The following CDKAL1 variants were observed in gnomAD, a reference collection of about 807,000 sequenced individuals.
CDKAL1 encodes the protein CDKAL1 threonylcarbamoyladenosine tRNA methylthiotransferase.
Under a neutral mutation model 68.2 loss-of-function variants are expected in CDKAL1, and 32 were observed. The observed-to-expected ratio is 0.47, with a 90% confidence interval of 0.35 to 0.63. CDKAL1 has a LOEUF of 0.63. Ranked by LOEUF, CDKAL1 falls within the 30% of genes least tolerant of loss-of-function variation. The pLI is 0.00. For synonymous variants in CDKAL1, 234 were observed against 244.3 expected (o/e 0.96, Z 0.39); for missense variants, 606 against 696.7 (o/e 0.87, Z 1.47).
At chr6:20,720,264 C>G (rs1198653525) in intron 5 of CDKAL1, among the ~76,000 whole-genome samples, 1 of 151,974 alleles carries the variant, frequency 6.6e-6, no homozygotes, top group African/African-American at 2.4e-5. Context: ...GTTTGTCTAC[C>G]TTTTTCTTTA....
intron 11 of CDKAL1, among the ~76,000 whole-genome samples, chr6:21,040,229 C>T (rs564400755): frequency 2.6e-5 from 4 of 151,946 alleles, no homozygotes; most frequent in Non-Finnish European, 5.9e-5. Context: ...GAGTTTTTGA[C>T]GAGTATTATA....
At chr6:21,047,210 C>G (rs1430556327) in intron 11 of CDKAL1, among the ~76,000 whole-genome samples, 1 of 151,958 alleles carries the variant, frequency 6.6e-6, no homozygotes, top group Non-Finnish European at 1.5e-5. Context: ...GTTACTGAGC[C>G]AGGGAAAGAG....
intron 11 of CDKAL1, among the ~76,000 whole-genome samples, chr6:21,003,083 A>G (rs780480283): frequency 5.9e-5 from 9 of 152,134 alleles, no homozygotes; most frequent in East Asian, 3.9e-4. Flanking sequence ...GAAGAATAAT[A>G]TAGACTTACT....
At chr6:20,855,393 A>G (rs928921772) in intron 9 of CDKAL1, among the ~76,000 whole-genome samples, 1 of 135,068 alleles carries the variant, frequency 7.4e-6, no homozygotes, top group African/African-American at 2.6e-5. Context: ...CAGGGAGCCA[A>G]GATAGCACCA....
intron 12 of CDKAL1, among the ~76,000 whole-genome samples, chr6:21,084,738 T>C (rs1772600936): frequency 6.6e-6 from 1 of 152,162 alleles, no homozygotes; most frequent in Non-Finnish European, 1.5e-5. Context: ...TGGAAGAAAA[T>C]TTCCCCATGT....
At chr6:21,057,592 G>A (rs112514740) in intron 11 of CDKAL1, among the ~76,000 whole-genome samples, 1 of 151,702 alleles carries the variant, frequency 6.6e-6, no homozygotes, top group East Asian at 1.9e-4. Context: ...TGGTTCTCTA[G>A]TTTTTTTAGT....
intron 9 of CDKAL1, among the ~76,000 whole-genome samples, chr6:20,950,509 G>A (rs1227053889): frequency 6.6e-6 from 1 of 152,136 alleles, no homozygotes; most frequent in African/African-American, 2.4e-5. Context: ...AAAAGAAACA[G>A]CAGGAAGTAA....
At chr6:20,901,699 A>AAAAAAAAAG (rs1554137984) in intron 9 of CDKAL1, among the ~76,000 whole-genome samples, 23 of 75,962 alleles carry the variant, frequency 3.0e-4, no homozygotes, top group Non-Finnish European at 4.4e-4. Flanking sequence ...AAAAAAAAAA[A>AAAAAAAAAG]AAAAGAAAAG....
At chr6:20,823,195 G>T (rs1352871109) in intron 8 of CDKAL1, among the ~76,000 whole-genome samples, 2 of 152,022 alleles carry the variant, frequency 1.3e-5, no homozygotes, top group Non-Finnish European at 2.9e-5. Flanking sequence ...CTTACTCAAG[G>T]CCTGTCTAAA....
chr6:20,808,692 G>C (rs1301382512), intron 8 of CDKAL1, among the ~76,000 whole-genome samples: 8 of 152,110 alleles, frequency 5.3e-5, no homozygotes, highest in Admixed American at 5.2e-4. Context: ...GGTTTCAGGA[G>C]AGAAGATGGG....
intron 5 of CDKAL1, among the ~76,000 whole-genome samples, chr6:20,735,240 A>C (rs1039961260): frequency 1.3e-5 from 2 of 152,110 alleles, no homozygotes; most frequent in African/African-American, 4.8e-5. Context: ...GATTTGTTAC[A>C]TGGGTGTATT....
rs557623304 is a variant in CDKAL1, at chr6:20,639,904, C to T, written c.287-9389C>T. Among the ~76,000 whole-genome samples the T allele has an allele frequency of 5.3e-5, 8 of 152,320 alleles. No homozygotes were observed. The South Asian group carries it at 6.2e-4, about 12-fold the overall frequency. ...GAAGCTGGTCTTGAACTCCTGACCTCGTGATCCGCCCGCCTTGGCCTCCCA... is the reference window on the plus strand; with the variant it reads ...GAAGCTGGTCTTGAACTCCTGACCTTGTGATCCGCCCGCCTTGGCCTCCCA... On this transcript the variant is annotated intron_variant, in intron 4 of 15. Transcript: ENST00000274695.
intron 4 of CDKAL1, among the ~76,000 whole-genome samples, chr6:20,607,781 G>A (rs13328250): frequency 0.03 from 4,615 of 151,562 alleles, 231 homozygotes; most frequent in African/African-American, 0.1. Context: ...TGCAACCTCC[G>A]CCTCCCAGGT....
At chr6:20,916,262 A>C (rs1762719107) in intron 9 of CDKAL1, among the ~76,000 whole-genome samples, 1 of 152,216 alleles carries the variant, frequency 6.6e-6, no homozygotes, top group South Asian at 2.1e-4. Flanking sequence ...TTTGTTCTTG[A>C]TAATTGATAC....
chr6:21,187,516 C>T (rs965949145), intron 13 of CDKAL1, among the ~76,000 whole-genome samples: 1 of 152,156 alleles, frequency 6.6e-6, no homozygotes, highest in East Asian at 1.9e-4. Context: ...AGAAAGCGTC[C>T]TGCATACCAC....
At chr6:21,230,348 G>C (rs980589152) in intron 15 of CDKAL1, among the ~76,000 whole-genome samples, 3 of 152,206 alleles carry the variant, frequency 2.0e-5, no homozygotes, top group Non-Finnish European at 4.4e-5. Context: ...TTTTAGTGGA[G>C]ACGGGGTTTC....
At chr6:21,076,295 G>C (rs1772070122) in intron 12 of CDKAL1, among the ~76,000 whole-genome samples, 1 of 152,104 alleles carries the variant, frequency 6.6e-6, no homozygotes, top group South Asian at 2.1e-4. Context: ...ATATATAGAA[G>C]CTTGCTCAAT....
At chr6:21,101,978 CT>C (rs1773598373) in intron 12 of CDKAL1, among the ~76,000 whole-genome samples, 2 of 152,152 alleles carry the variant, frequency 1.3e-5, no homozygotes, top group Admixed American at 1.3e-4. Context: ...TTTGCAACAG[CT>C]TCTCATACTG....
At chr6:20,903,198 C>T (rs1006524683) in intron 9 of CDKAL1, among the ~76,000 whole-genome samples, 1 of 152,194 alleles carries the variant, frequency 6.6e-6, no homozygotes, top group Non-Finnish European at 1.5e-5. Flanking sequence ...CTCTCTAACA[C>T]ACAAACGCAG....
Sources: allele counts gnomAD v4.1 joint callset (sites outside exome capture counted in the v4.1 genomes callset), GRCh38; gene constraint gnomAD v4.1.1; transcripts MANE v1.5; gene names NCBI Gene and HGNC (gene_info 2026-07-23, HGNC 2026-07-21).